The following CAST variants were observed in gnomAD, a reference collection of about 807,000 sequenced individuals.
CAST encodes calpastatin.
Under a neutral mutation model 119.6 loss-of-function variants are expected in CAST, and 76 were observed. The observed-to-expected ratio is 0.64, with a 90% CI of 0.53 to 0.77. CAST has a LOEUF of 0.77. Ranked by LOEUF, CAST falls within the 30% of genes least tolerant of loss-of-function variation. The pLI, the probability that CAST is intolerant of heterozygous loss-of-function variation, is 0.00. For missense variants in CAST, 953 were observed against 946.5 expected (o/e 1.01, Z -0.09); for synonymous variants, 319 against 331.6 (o/e 0.96, Z 0.41).
intron 31 of CAST, 36 bp downstream of exon 31, chr5:96,771,738 G>GT (rs1425459702): frequency 7.6e-7 from 1 of 1,314,426 alleles, no homozygotes; most frequent in Non-Finnish European, 1.1e-6. Flanking sequence ...GAAGACAACT[G>GT]TATCTTCTGC....
At chr5:96,248,657 C>T in the CAST span, among the ~76,000 whole-genome samples, 1 of 152,178 alleles carries the variant, frequency 6.6e-6, no homozygotes, top group Non-Finnish European at 1.5e-5. Flanking sequence ...ATTAGGCAGT[C>T]ATTTCAGCTT....
At chr5:96,143,675 A>G in the CAST span, among the ~76,000 whole-genome samples, 2 of 152,198 alleles carry the variant, frequency 1.3e-5, no homozygotes, top group Non-Finnish European at 2.9e-5. Context: ...AAGTTATTTC[A>G]ACTCTATAAA....
chr5:96,284,869 T>G, the CAST span, among the ~76,000 whole-genome samples: 1 of 152,202 alleles, frequency 6.6e-6, no homozygotes, highest in African/African-American at 2.4e-5. Flanking sequence ...TGAGTCTTCA[T>G]GGAAAGTGAA....
At chr5:96,516,490 C>G in the CAST span, among the ~76,000 whole-genome samples, 1 of 152,102 alleles carries the variant, frequency 6.6e-6, no homozygotes, top group Non-Finnish European at 1.5e-5. Flanking sequence ...ATTTATCATG[C>G]AGAATTAGGA....
At chr5:96,264,962 G>T in the CAST span, among the ~76,000 whole-genome samples, 1 of 152,140 alleles carries the variant, frequency 6.6e-6, no homozygotes, top group Non-Finnish European at 1.5e-5. Context: ...GATAGTTTTT[G>T]ATTTAAGGTT....
chr5:96,470,857 T>C, the CAST span, among the ~76,000 whole-genome samples: 1 of 152,118 alleles, frequency 6.6e-6, no homozygotes, highest in African/African-American at 2.4e-5. Flanking sequence ...AAGTACATAA[T>C]AGTACATAAT....
At chr5:96,757,551 GTGTT>G in intron 23 of CAST, 28 bp from the exon 24 acceptor site, 1 of 1,612,076 alleles carries the variant, frequency 6.2e-7, no homozygotes, top group Non-Finnish European at 8.5e-7. Flanking sequence ...GATTGCAATG[GTGTT>G]TGTTGATACA....
chr5:96,215,359 A>G, the CAST span: 1 of 152,196 alleles, frequency 6.6e-6, no homozygotes, highest in Non-Finnish European at 1.5e-5. Flanking sequence ...ACCCATTGTA[A>G]GCTAATGTAA....
the CAST span, among the ~76,000 whole-genome samples, chr5:96,131,186 A>G: frequency 6.6e-6 from 1 of 152,122 alleles, no homozygotes; most frequent in African/African-American, 2.4e-5. Flanking sequence ...ACTGTAAAAT[A>G]TCATGCAGTT....
intron 1 of CAST, among the ~76,000 whole-genome samples, chr5:96,591,673 G>A (rs1746964993): frequency 1.3e-5 from 2 of 152,218 alleles, no homozygotes; most frequent in Non-Finnish European, 2.9e-5. Flanking sequence ...CTGTGACTCA[G>A]TCTCCAGGGC....
the CAST span, among the ~76,000 whole-genome samples, chr5:96,269,963 C>A: frequency 6.6e-6 from 1 of 152,234 alleles, no homozygotes; most frequent in East Asian, 1.9e-4. Context: ...GCCAATATTG[C>A]TGATAAATAT....
At chr5:96,083,701 G>A in the CAST span, among the ~76,000 whole-genome samples, 3 of 152,230 alleles carry the variant, frequency 2.0e-5, no homozygotes, top group African/African-American at 7.2e-5. Context: ...GGTCTGGAGG[G>A]CACCATAAAT....
the CAST span, among the ~76,000 whole-genome samples, chr5:96,160,694 C>T: frequency 1.3e-5 from 2 of 152,098 alleles, no homozygotes; most frequent in Non-Finnish European, 2.9e-5. Context: ...AAACTGTTTC[C>T]CTAAGTAGTT....
chr5:96,683,219 C>G (rs1751663567), intron 2 of CAST, among the ~76,000 whole-genome samples: 2 of 152,134 alleles, frequency 1.3e-5, no homozygotes, highest in African/African-American at 2.4e-5. Context: ...TAAGCTTGCT[C>G]TGTTTCAGAT....
At chr5:96,671,620 C>A (rs1334518742) in intron 1 of CAST, among the ~76,000 whole-genome samples, 1 of 152,128 alleles carries the variant, frequency 6.6e-6, no homozygotes, top group Non-Finnish European at 1.5e-5. Flanking sequence ...CAAAGAAGAC[C>A]ACATAGGAGA....
intron 1 of CAST, among the ~76,000 whole-genome samples, chr5:96,540,366 C>G (rs949496322): frequency 6.6e-6 from 1 of 151,882 alleles, no homozygotes; most frequent in Non-Finnish European, 1.5e-5. Context: ...GTTTATGGAT[C>G]CTTTCAGATT....
At chr5:96,407,650 GT>G in the CAST span, among the ~76,000 whole-genome samples, 2 of 152,182 alleles carry the variant, frequency 1.3e-5, no homozygotes, top group African/African-American at 4.8e-5. Flanking sequence ...TGACAATGGT[GT>G]TTAAGCATGA....
At chr5:96,669,555 A>C (rs564448369) in intron 1 of CAST, among the ~76,000 whole-genome samples, 1 of 152,232 alleles carries the variant, frequency 6.6e-6, no homozygotes. Context: ...AGAGTGTACA[A>C]TAAAGTGCTA....
At chr5:96,725,594 AT>A (rs1170824317) in intron 4 of CAST, among the ~76,000 whole-genome samples, 1 of 152,226 alleles carries the variant, frequency 6.6e-6, no homozygotes, top group East Asian at 1.9e-4. Flanking sequence ...TATTATGGTC[AT>A]CATTATTATA....
Sources: gnomAD v4.1 joint callset for allele counts (sites outside exome capture counted in the v4.1 genomes callset) on GRCh38, gnomAD v4.1.1 for gene constraint, MANE v1.5 for transcripts, NCBI Gene and HGNC (gene_info 2026-07-23, HGNC 2026-07-21) for gene names.